The following MAP2 variants were observed in gnomAD, a reference collection of about 807,000 sequenced individuals.
MAP2 encodes the protein microtubule-associated protein 2.
Under a neutral mutation model 137.6 loss-of-function variants are expected in MAP2, and 14 were observed. The observed-to-expected ratio is 0.10, with a 90% CI of 0.07 to 0.16. The LOEUF is 0.16. MAP2 is among the 10% of genes least tolerant of loss of function. The pLI, the probability that MAP2 is intolerant of heterozygous loss-of-function variation, is 1.00. For missense variants in MAP2, 2,088 were observed against 2,191.5 expected, an observed-to-expected ratio of 0.95 and a Z score of 0.94; for synonymous variants, 786 against 782.3, an observed-to-expected ratio of 1.00 and a Z score of -0.08.
Position 209,439,258 on chromosome 2 carries a change from T to G in MAP2, c.-222+14982T>G, listed in dbSNP as rs79990845. 6.7e-3 allele frequency among the ~76,000 whole-genome samples: 1,014 copies of G among 151,710 alleles called. 13 individuals are homozygous for G. Among genetic ancestry groups the G allele is most frequent in the African/African-American group, 0.023 (958 of 41,494 alleles). Reference sequence around the variant, plus strand: ...TGCTCTGTTTTGTCATTTATAAGATTATACATTTGATTACCTAATTCCATG... The same window carrying G: ...TGCTCTGTTTTGTCATTTATAAGATGATACATTTGATTACCTAATTCCATG... On this transcript the variant is annotated intron_variant, in intron 1 of 15. Coordinates refer to ENST00000682079, the MANE Select transcript of MAP2 (RefSeq NM_001375505.1).
chr2:209,690,953 T>C (rs1232909289), intron 7 of MAP2: 1 of 1,076,786 alleles, frequency 9.3e-7, no homozygotes, highest in Non-Finnish European at 1.2e-6. Flanking sequence ...CATCGCTGGG[T>C]CTTATGATAA....
At chr2:209,439,339 G>C (rs1697176507) in intron 1 of MAP2, among the ~76,000 whole-genome samples, 1 of 151,494 alleles carries the variant, frequency 6.6e-6, no homozygotes, top group African/African-American at 2.4e-5. Flanking sequence ...CTTTGAACAA[G>C]ATGCCTAATA....
chr2:209,700,244 A>C (rs749816024), intron 10 of MAP2, 33 bp from the exon 11 acceptor site: 1 of 1,595,722 alleles, frequency 6.3e-7, no homozygotes, highest in Non-Finnish European at 8.6e-7. Context: ...TTAGCAACTA[A>C]GTTTGGGGTT....
At chr2:209,534,884 G>A (rs1208600228) in intron 2 of MAP2, among the ~76,000 whole-genome samples, 19 of 152,168 alleles carry the variant, frequency 1.2e-4, no homozygotes, top group African/African-American at 4.8e-5. Flanking sequence ...TGGAATACGT[G>A]CATTTTTTAA....
Position 209,601,262 on chromosome 2 carries a change from T to C in MAP2, c.-107+21162T>C, listed in dbSNP as rs538334200. On this transcript the variant is annotated intron_variant, in intron 3 of 15. Transcript: ENST00000682079. Reference sequence around the variant, plus strand: ...CATTATGGTTATGCGTAGTCAATCCTTTCAGTTTTTATTCTTTTTTCTTTT... The same window carrying C: ...CATTATGGTTATGCGTAGTCAATCCCTTCAGTTTTTATTCTTTTTTCTTTT... Among the ~76,000 whole-genome samples, 15 of 152,302 alleles carry C rather than the reference T, an allele frequency of 9.8e-5. 1 individual carries two copies. The South Asian group carries it at 2.5e-3, about 25-fold the overall frequency.
rs2068868966 is a variant in MAP2, at chr2:209,550,108, G to A, written c.-171-29928G>A. 2.6e-5 allele frequency among the ~76,000 whole-genome samples: 4 copies of A among 152,164 alleles called. No individual in the cohort carries two copies. The South Asian group carries it at 8.3e-4, about 32-fold the overall frequency. On this transcript the variant is annotated intron_variant, in intron 2 of 15. Transcript: ENST00000682079. ...TTCCTTATTGTCAATCCCGGGGGAA[G>A]CTATAGTGGTGAATTAGTCAACCTT...
intron 2 of MAP2, among the ~76,000 whole-genome samples, chr2:209,525,678 A>G (rs2063926776): frequency 6.6e-6 from 1 of 152,182 alleles, no homozygotes; most frequent in African/African-American, 2.4e-5. Context: ...AGCTTTACCA[A>G]AAGAATCCCA....
In MAP2 at chr2:209,598,554, C is replaced by T. The variant is rs1307815238; in HGVS notation, c.-107+18454C>T. Among the ~76,000 whole-genome samples, 18 of 148,280 alleles carry T rather than the reference C, an allele frequency of 1.2e-4. No individual in the cohort carries two copies. In the South Asian group the frequency reaches 3.0e-3, roughly 25 times the overall value. Reference sequence around the variant, plus strand: ...TGCTGGTGCGCTGCACCCACTAACTCGTCATCTAGCATTAGGTATATCTCC... The same window carrying T: ...TGCTGGTGCGCTGCACCCACTAACTTGTCATCTAGCATTAGGTATATCTCC... On this transcript the variant is annotated intron_variant, in intron 3 of 15. Transcript: ENST00000682079.
chr2:209,544,932 A>T (rs1423075022), intron 2 of MAP2, among the ~76,000 whole-genome samples: 1 of 152,220 alleles, frequency 6.6e-6, no homozygotes. Flanking sequence ...TAAAACCTGA[A>T]TATTCTTCTT....
chr2:209,498,051 C>A (rs1049565106), intron 1 of MAP2, among the ~76,000 whole-genome samples: 2 of 152,082 alleles, frequency 1.3e-5, no homozygotes, highest in Non-Finnish European at 2.9e-5. Flanking sequence ...TGAAACAAGG[C>A]AAATCCCTTC....
intron 1 of MAP2, among the ~76,000 whole-genome samples, chr2:209,426,117 T>G (rs1050864291): frequency 6.6e-6 from 1 of 152,226 alleles, no homozygotes; most frequent in Non-Finnish European, 1.5e-5. Flanking sequence ...GATTTGTATA[T>G]TATCAGAGCC....
At chr2:209,670,963 A>C (rs761488850) in intron 5 of MAP2, among the ~76,000 whole-genome samples, 12 of 152,020 alleles carry the variant, frequency 7.9e-5, no homozygotes, top group African/African-American at 2.9e-4. Flanking sequence ...TAGCAGGTGC[A>C]AAATAAATTC....
chr2:209,437,098 G>T (rs79808121), intron 1 of MAP2, among the ~76,000 whole-genome samples: 4,813 of 151,678 alleles, frequency 0.032, 283 homozygotes, highest in African/African-American at 0.11. Flanking sequence ...TTTCACAACT[G>T]AAATCATTTT....
intron 1 of MAP2, among the ~76,000 whole-genome samples, chr2:209,448,875 T>C (rs556063142): frequency 1.3e-5 from 2 of 152,282 alleles, no homozygotes; most frequent in African/African-American, 2.4e-5. Context: ...AATTAAAGCA[T>C]GGACATATCT....
At chr2:209,432,756 G>A (rs2149300190) in intron 1 of MAP2, among the ~76,000 whole-genome samples, 1 of 152,244 alleles carries the variant, frequency 6.6e-6, no homozygotes, top group South Asian at 2.1e-4. Flanking sequence ...AATGGGTTGT[G>A]CATATTGGTC....
chr2:209,466,591 C>T (rs755988987), intron 1 of MAP2, among the ~76,000 whole-genome samples: 1 of 152,104 alleles, frequency 6.6e-6, no homozygotes, highest in African/African-American at 2.4e-5. Flanking sequence ...CCATTTTTCA[C>T]ACAAAGAAAG....
chr2:209,603,987 T>G (rs892884862), intron 3 of MAP2, among the ~76,000 whole-genome samples: 4 of 152,130 alleles, frequency 2.6e-5, no homozygotes, highest in African/African-American at 9.7e-5. Context: ...TAGCTGAGGA[T>G]TCTGCCTTGC....
chr2:209,608,773 A>G (rs1322970740), intron 3 of MAP2, among the ~76,000 whole-genome samples: 1 of 152,082 alleles, frequency 6.6e-6, no homozygotes, highest in African/African-American at 2.4e-5. Flanking sequence ...CCCCTCTGTT[A>G]TATGACCCCT....
At chr2:209,442,482 A>G (rs1698040849) in intron 1 of MAP2, among the ~76,000 whole-genome samples, 1 of 151,648 alleles carries the variant, frequency 6.6e-6, no homozygotes, top group African/African-American at 2.4e-5. Context: ...TTTATTAGCA[A>G]GTAAATGTTT....
Sources: allele counts gnomAD v4.1 joint callset (sites outside exome capture counted in the v4.1 genomes callset), GRCh38; gene constraint gnomAD v4.1.1; transcripts MANE v1.5; gene names NCBI Gene and HGNC (gene_info 2026-07-23, HGNC 2026-07-21).